Variants in TLR1 observed in about 807,000 individuals in gnomAD.
The protein encoded by TLR1 is toll-like receptor 1.
In TLR1, 19 loss-of-function variants were observed where a neutral mutation model predicts 20.2. The observed-to-expected ratio is 0.94, with a 90% CI of 0.66 to 1.38. The LOEUF is 1.38. Ranked by LOEUF, TLR1 falls within the 40% of genes most tolerant of loss-of-function variation. The pLI is 0.00. For synonymous variants in TLR1, 320 were observed against 334.5 expected (o/e 0.96, Z 0.47); for missense variants, 921 against 910.0 (o/e 1.01, Z -0.16).
At chr4:38,795,138 T>C (rs1170375096), downstream of TLR1, among the ~76,000 whole-genome samples, 3 of 152,174 alleles carry the variant, frequency 2.0e-5, no homozygotes, top group African/African-American at 7.2e-5. Flanking sequence ...AACCCAAGAA[T>C]AGAAGAAAGG....
intron 2 of TLR1, among the ~76,000 whole-genome samples, chr4:38,804,090 T>G (rs544012001): frequency 1.8e-4 from 28 of 152,370 alleles, no homozygotes; most frequent in African/African-American, 6.5e-4. Context: ...GTTCAAGAAC[T>G]GTTCTGCTTT....
At chr4:38,794,564 A>C (rs189551810), downstream of TLR1, 1 of 151,990 alleles carries the variant, frequency 6.6e-6, no homozygotes, top group Non-Finnish European at 1.5e-5. Flanking sequence ...TTCTGTTTAG[A>C]ATGGCCTTTC....
At position 38,798,189 on chromosome 4, in the gene TLR1, T is replaced by G; in HGVS notation, c.643A>C (p.Asn215His). 1 of 1,614,116 alleles carries G rather than the reference T, an allele frequency of 6.2e-7. No individual in the cohort carries two copies. The highest frequency in any genetic ancestry group is 8.5e-7 in the Non-Finnish European group (1 of 1,179,976). The change falls in exon 4 of 4, where the codon AAT becomes CAT. Residue 215 changes from asparagine (N) to histidine (H), a missense_variant. By Grantham distance (68) the Asn-to-His change is moderately conservative. Transcript: ENST00000308979. ...CATTTGATATTAGATAGTTCCAGAT[T>G]TGCTACAGTCTTGACTGACACATCC... The part of the protein sequence containing the change: ...ILDVSVKTVA[N>H]LELSNIKCVL...
chr4:38,798,846 C>A lies in TLR1; in HGVS notation c.-15G>T. ...ATGCTAGTCATTTTGGAACACTAGA[C>A]ATTCCTAAAGGTAGAAGCTGTTCTT... is the stretch of plus-strand genomic sequence containing the variant. On this transcript the variant is annotated 5_prime_UTR_variant, in exon 4 of 4. The change abolishes an upstream ATG in the 5' untranslated region. Transcript: ENST00000308979. 1 of 1,558,798 alleles carries A rather than the reference C, an allele frequency of 6.4e-7. No individual in the cohort carries two copies. The highest frequency in any genetic ancestry group is 1.9e-5 in the Admixed American group (1 of 52,882).
At chr4:38,804,035 CAAGACCAAATAG>C (rs1726855546) in intron 2 of TLR1, among the ~76,000 whole-genome samples, 1 of 152,164 alleles carries the variant, frequency 6.6e-6, no homozygotes, top group African/African-American at 2.4e-5. Flanking sequence ...CTTCTCTGCA[CAAGACCAAATAG>C]CTATTAACCA....
At chr4:38,794,586 A>G (rs936848504), downstream of TLR1, 3 of 151,742 alleles carry the variant, frequency 2.0e-5, no homozygotes, top group African/African-American at 7.3e-5. Context: ...ATTCTTCATC[A>G]TTACACATTG....
In TLR1 at chr4:38,797,926, C is replaced by T. The variant is rs761800724; in HGVS notation, c.906G>A (p.Leu302=). 1.9e-6 allele frequency: 3 copies of T among 1,614,052 alleles called. No individual in the cohort carries two copies. Among genetic ancestry groups the T allele is most frequent in the African/African-American group, 2.7e-5 (2 of 74,938 alleles). ...CATCGCTGACAACTTGGTGTATAGA[C>T]AAGGCCTTCAAGGAAGTGCCAGAAT... The part of the protein sequence containing the change: ...FDYSGTSLKA[L]SIHQVVSDVF... The change falls in exon 4 of 4, where the codon TTG becomes TTA. Residue 302 remains leucine (L), a synonymous_variant. Transcript: ENST00000308979.
Position 38,797,778 on chromosome 4 carries a change from G to T in TLR1, c.1054C>A (p.His352Asn), listed in dbSNP as rs76796448. 5,582 of 1,614,102 alleles carry T rather than the reference G, an allele frequency of 3.5e-3. 168 individuals carry two copies. In the African/African-American group the frequency reaches 0.066, roughly 19 times the overall value. Residue 352 changes from histidine (H) to asparagine (N), a missense_variant, in exon 4 of 4, where the codon CAT (histidine) becomes AAT (asparagine). Coordinates refer to ENST00000308979, the MANE Select transcript of TLR1 (RefSeq NM_003263.4). ...AAGAGATTATTGGAAAAATCCAAAT[G>T]CAGGAACGGGCTAATTTTGGATGGG... ...LCPSKISPFLHLDFSNNLLTD... is the reference protein window; with the variant it reads ...LCPSKISPFLNLDFSNNLLTD...
chr4:38,794,167 ACTG>A (rs1441854359), downstream of TLR1, among the ~76,000 whole-genome samples: 1 of 152,192 alleles, frequency 6.6e-6, no homozygotes, highest in Non-Finnish European at 1.5e-5. Flanking sequence ...CGAATACATA[ACTG>A]CTTGCTGAGT....
downstream of TLR1, among the ~76,000 whole-genome samples, chr4:38,792,853 T>TTTTA (rs150259151): frequency 1.8e-3 from 223 of 122,248 alleles, 8 homozygotes; most frequent in African/African-American, 6.0e-3. Flanking sequence ...TATTTTCAAA[T>TTTTA]TATATATATA....
At chr4:38,804,150 C>T (rs1726865869) in intron 2 of TLR1, among the ~76,000 whole-genome samples, 156 bp downstream of exon 2, 1 of 152,222 alleles carries the variant, frequency 6.6e-6, no homozygotes, top group Non-Finnish European at 1.5e-5. Flanking sequence ...AACAAATTCA[C>T]TTTCAAGTCT....
rs973046025 is a variant in TLR1, at chr4:38,798,289, A to G, written c.543T>C (p.Pro181=). The change falls in exon 4 of 4, where the codon CCT becomes CCC. Residue 181 remains proline, a synonymous_variant. Transcript: ENST00000308979. ...CAGTGTTAAAGTCTTGAAGGCCCTC[A>G]GGGTCTTCTTTTTCCCCATAAGTCT... ...LGETYGEKED[P]EGLQDFNTES... The G allele has an allele frequency of 3.7e-6, 6 of 1,612,416 alleles. No individual in the cohort carries two copies. In the Admixed American group the frequency reaches 8.4e-5, roughly 22 times the overall value.
chr4:38,794,292 A>C (rs546261551), downstream of TLR1, among the ~76,000 whole-genome samples: 3 of 152,228 alleles, frequency 2.0e-5, no homozygotes, highest in Non-Finnish European at 4.4e-5. Context: ...ACAGAACAAT[A>C]GTTCTCCTAT....
chr4:38,792,451 C>A (rs1221884118), downstream of TLR1, among the ~76,000 whole-genome samples: 1 of 152,034 alleles, frequency 6.6e-6, no homozygotes, highest in African/African-American at 2.4e-5. Context: ...ACTTTTGTAT[C>A]CTATGCTTTT....
In TLR1 at chr4:38,804,374, T is replaced by G. The variant is rs138668533; in HGVS notation, c.-228A>C. 5.2e-5 allele frequency: 8 copies of G among 152,394 alleles called. No homozygotes were observed. Among genetic ancestry groups the G allele is most frequent in the Admixed American group, 1.3e-4 (2 of 15,302 alleles). The allele number at this position is 152,394 out of a possible 1,614,324, so 9.4% of individuals were successfully genotyped here. ...GGAGTAACTGACTTATATCTCATTT[T>G]CTTTAACACTGAGAAGAGAATACAA... On this transcript the variant is annotated 5_prime_UTR_variant, in exon 2 of 4. Coordinates refer to ENST00000308979, the MANE Select transcript of TLR1 (RefSeq NM_003263.4).
chr4:38,799,330 G>A (rs1383669787), intron 3 of TLR1, among the ~76,000 whole-genome samples: 4 of 152,188 alleles, frequency 2.6e-5, no homozygotes, highest in Non-Finnish European at 4.4e-5. Flanking sequence ...ATTTGACAAA[G>A]AGACAAGAGA....
chr4:38,796,627 C>A lies in TLR1; in HGVS notation c.2205G>T (p.Pro735=), dbSNP rs145159325. 2.5e-6 allele frequency: 4 copies of A among 1,614,132 alleles called. No homozygotes were observed. Among genetic ancestry groups the A allele is most frequent in the South Asian group, 1.1e-5 (1 of 91,080 alleles). Residue 735 remains proline, a synonymous_variant, in exon 4 of 4, where the codon CCG becomes CCT. Coordinates refer to ENST00000308979, the MANE Select transcript of TLR1 (RefSeq NM_003263.4). ...GATAACTGCTAGGAATGGAGTACTG[C>A]GGAATGGGTTCCAGCAAGATCAGGA... is the stretch of plus-strand genomic sequence containing the variant. The part of the protein sequence containing the change: ...SLILILLEPI[P]QYSIPSSYHK...
rs200988873 is a variant in TLR1, at chr4:38,797,670, A to C, written c.1162T>G (p.Ser388Ala). 6.2e-7 allele frequency: 1 copy of C among 1,613,886 alleles called. No individual in the cohort carries two copies. The highest frequency in any genetic ancestry group is 1.3e-5 in the African/African-American group (1 of 75,030). Residue 388 changes from serine to alanine, a missense_variant, in exon 4 of 4, where the codon TCA (serine) becomes GCA (alanine). By Grantham distance (99) the Ser-to-Ala change is moderately conservative. Coordinates refer to ENST00000308979, the MANE Select transcript of TLR1 (RefSeq NM_003263.4). The part of the protein sequence containing the change: ...ILQMNQLKEL[S>A]KIAEMTTQMK... ...TGTGTAGTCATTTCAGCTATTTTTGAAAGTTCTTTTAATTGATTCATTTGT... is the reference window on the plus strand; with the variant it reads ...TGTGTAGTCATTTCAGCTATTTTTGCAAGTTCTTTTAATTGATTCATTTGT...
At chr4:38,787,666 T>G (rs1725635666), downstream of TLR1, among the ~76,000 whole-genome samples, 1 of 152,174 alleles carries the variant, frequency 6.6e-6, no homozygotes, top group Non-Finnish European at 1.5e-5. Context: ...AGCAAGATAT[T>G]TGACATTCTT....
Sources: gnomAD v4.1 joint callset for allele counts (sites outside exome capture counted in the v4.1 genomes callset) on GRCh38, gnomAD v4.1.1 for gene constraint, MANE v1.5 for transcripts, NCBI Gene and HGNC (gene_info 2026-07-23, HGNC 2026-07-21) for gene names.